The following HCN1 variants were observed in gnomAD, a reference collection of about 807,000 sequenced individuals.
The protein encoded by HCN1 is potassium/sodium hyperpolarization-activated cyclic nucleotide-gated channel 1.
A neutral mutation model predicts 78.9 loss-of-function variants in HCN1; 13 were observed. The ratio of observed to expected loss-of-function variants is 0.16; its 90% CI spans 0.11 to 0.26. The LOEUF (loss-of-function observed/expected upper bound fraction) is 0.26. Ranked by LOEUF, HCN1 falls within the 10% of genes least tolerant of loss-of-function variation. The probability of loss-of-function intolerance (pLI) is 1.00; values close to 1 mark genes in which losing one functional copy is unlikely to be tolerated. For synonymous variants in HCN1, 552 were observed against 455.5 expected, an observed-to-expected ratio of 1.21 and a Z score of -2.70; for missense variants, 810 against 1,154.3, an observed-to-expected ratio of 0.70 and a Z score of 4.32.
chr5:45,600,346 C>A (rs182022838), intron 2 of HCN1, among the ~76,000 whole-genome samples: 1 of 151,970 alleles, frequency 6.6e-6, no homozygotes, highest in East Asian at 1.9e-4. Context: ...TCATATATAC[C>A]CTGGATCAAA....
rs566472350 is a variant in HCN1, at chr5:45,514,063, C to T, written c.850-52056G>A. Among the ~76,000 whole-genome samples the T allele has an allele frequency of 1.1e-4, 16 of 152,120 alleles. No homozygotes were observed. The South Asian group carries it at 1.7e-3, about 16-fold the overall frequency. ...TGAAAGTTATAGGATAGAAACTATACGTCAAAGAAAGGTTAACAGTGGGAA... is the reference window on the plus strand; with the variant it reads ...TGAAAGTTATAGGATAGAAACTATATGTCAAAGAAAGGTTAACAGTGGGAA... On this transcript the variant is annotated intron_variant, in intron 2 of 7. Transcript: ENST00000303230.
chr5:45,541,620 C>A (rs1240290522), intron 2 of HCN1, among the ~76,000 whole-genome samples: 1 of 152,160 alleles, frequency 6.6e-6, no homozygotes, highest in Non-Finnish European at 1.5e-5. Context: ...ATGTAAAATA[C>A]TGAACAGAAT....
Position 45,409,117 on chromosome 5 carries a change from G to A in HCN1, c.1012-12407C>T, listed in dbSNP as rs190998677. ...AGATGGTACAATGTGGAAAGAATTT[G>A]GACTTTTTATGATAATTAAACAAGA... On this transcript the variant is annotated intron_variant, in intron 3 of 7. Transcript: ENST00000303230. Among the ~76,000 whole-genome samples, 47 of 152,034 alleles carry A rather than the reference G, an allele frequency of 3.1e-4. No homozygotes were observed. The East Asian group carries it at 7.5e-3, about 24-fold the overall frequency.
Position 45,318,383 on chromosome 5 carries a change from A to G in HCN1, c.1378-14544T>C, listed in dbSNP as rs369992433. On this transcript the variant is annotated intron_variant, in intron 5 of 7. Transcript: ENST00000303230. The stretch of plus-strand genomic sequence containing the variant: ...GAACAATGAGAATACTTGGTCACAG[A>G]AAGGGGAACATCACACACCAGGGCC... Among the ~76,000 whole-genome samples the G allele has an allele frequency of 6.6e-4, 101 of 151,990 alleles. 1 individual carries two copies. The East Asian group carries it at 0.012, about 18-fold the overall frequency.
At chr5:45,577,953 G>C (rs1579979190) in intron 2 of HCN1, among the ~76,000 whole-genome samples, 3 of 151,958 alleles carry the variant, frequency 2.0e-5, no homozygotes, top group African/African-American at 4.8e-5. Flanking sequence ...CTATTCTTTT[G>C]TATGCCATCT....
At position 45,257,489 on chromosome 5, in the gene HCN1, T is replaced by C. The variant is rs1744640500; in HGVS notation, c.*4432A>G. On this transcript the variant is annotated 3_prime_UTR_variant, in exon 8 of 8. Transcript: ENST00000303230. ...TCAGAGCATTATCTGTAGGTTCTTT[T>C]AAGATCATCTTTAAATAATTTTCAA... 6.6e-6 allele frequency: 1 copy of C among 152,212 alleles called. No homozygotes were observed. The highest frequency in any genetic ancestry group is 1.5e-5 in the Non-Finnish European group (1 of 68,050). 9.4% of individuals were successfully genotyped at this position (152,212 alleles called of 1,614,324 possible). A position where few individuals can be genotyped will look rare whatever the true frequency, so the allele number is the denominator to read the frequency against.
At chr5:45,661,123 T>C (rs1745926929) in intron 1 of HCN1, among the ~76,000 whole-genome samples, 1 of 148,224 alleles carries the variant, frequency 6.7e-6, no homozygotes, top group South Asian at 2.3e-4. Context: ...CACGGTGCAA[T>C]CAAACTAGAA....
At chr5:45,528,567 A>C (rs879280849) in intron 2 of HCN1, among the ~76,000 whole-genome samples, 9 of 152,136 alleles carry the variant, frequency 5.9e-5, no homozygotes, top group Non-Finnish European at 1.0e-4. Flanking sequence ...TCAATATGGA[A>C]TTCAGATCTC....
At chr5:45,582,910 G>C (rs1207644756) in intron 2 of HCN1, among the ~76,000 whole-genome samples, 1 of 152,138 alleles carries the variant, frequency 6.6e-6, no homozygotes. Context: ...TGTGCTGTTG[G>C]ATTCAGTTTG....
At chr5:45,658,703 G>A (rs1392114960) in intron 1 of HCN1, among the ~76,000 whole-genome samples, 1 of 151,642 alleles carries the variant, frequency 6.6e-6, no homozygotes, top group African/African-American at 2.4e-5. Flanking sequence ...GGACGCACCT[G>A]GAAAATCGGG....
intron 3 of HCN1, among the ~76,000 whole-genome samples, chr5:45,414,466 A>G (rs1483309): frequency 0.25 from 38,644 of 151,796 alleles, 5,114 homozygotes; most frequent in East Asian, 0.32. Context: ...GTGTGTCCAA[A>G]CTGAATTCAT....
At chr5:45,482,757 C>T (rs1388635869) in intron 2 of HCN1, among the ~76,000 whole-genome samples, 1 of 152,124 alleles carries the variant, frequency 6.6e-6, no homozygotes, top group African/African-American at 2.4e-5. Flanking sequence ...ACCCGCCCCT[C>T]TTCCTCCCTC....
At chr5:45,540,324 T>G (rs930740992) in intron 2 of HCN1, among the ~76,000 whole-genome samples, 1 of 130,636 alleles carries the variant, frequency 7.7e-6, no homozygotes, top group Non-Finnish European at 1.7e-5. Context: ...ACTATTTTAC[T>G]GATTTTTTTT....
intron 6 of HCN1, among the ~76,000 whole-genome samples, chr5:45,282,112 T>G (rs1241537868): frequency 6.6e-6 from 1 of 152,170 alleles, no homozygotes; most frequent in Non-Finnish European, 1.5e-5. Flanking sequence ...TTTTGCAATA[T>G]GTTTTCCACC....
chr5:45,645,837 T>C (rs934932106), intron 1 of HCN1, among the ~76,000 whole-genome samples: 3 of 152,052 alleles, frequency 2.0e-5, no homozygotes, highest in African/African-American at 7.2e-5. Context: ...AATTATGTGA[T>C]ATGAAGCATT....
intron 6 of HCN1, among the ~76,000 whole-genome samples, chr5:45,285,798 A>T (rs1206257459): frequency 6.6e-6 from 1 of 151,884 alleles, no homozygotes; most frequent in East Asian, 1.9e-4. Context: ...GCAGAACTGG[A>T]GGAAGTAGAG....
chr5:45,537,025 T>C (rs1381775963), intron 2 of HCN1, among the ~76,000 whole-genome samples: 1 of 152,230 alleles, frequency 6.6e-6, no homozygotes, highest in African/African-American at 2.4e-5. Context: ...AATTTGGGTG[T>C]TCCATCCCTT....
chr5:45,580,127 T>C (rs1744032249), intron 2 of HCN1, among the ~76,000 whole-genome samples: 1 of 152,056 alleles, frequency 6.6e-6, no homozygotes, highest in Admixed American at 6.6e-5. Context: ...TCCTACTCCC[T>C]GGACCTAGGA....
intron 2 of HCN1, among the ~76,000 whole-genome samples, chr5:45,552,242 C>A (rs193238388): frequency 5.1e-4 from 78 of 152,010 alleles, no homozygotes; most frequent in Non-Finnish European, 9.0e-4. Context: ...TTAACTTCAG[C>A]AGCAGTACAT....
Sources: gnomAD v4.1 joint callset for allele counts (sites outside exome capture counted in the v4.1 genomes callset) on GRCh38, gnomAD v4.1.1 for gene constraint, MANE v1.5 for transcripts, NCBI Gene and HGNC (gene_info 2026-07-23, HGNC 2026-07-21) for gene names.